SH3BP5: variants seen among roughly 807,000 people sequenced by gnomAD.
SH3BP5 encodes SH3 domain-binding protein 5.
In SH3BP5, 22 loss-of-function variants were observed where a neutral mutation model predicts 43.3. The observed-to-expected ratio is 0.51, with a 90% CI of 0.36 to 0.73. The LOEUF is 0.73. Ranked by LOEUF, SH3BP5 falls within the 30% of genes least tolerant of loss-of-function variation. SH3BP5 has a pLI of 0.00. For missense variants in SH3BP5, 529 were observed against 586.9 expected (o/e 0.90, Z 1.02); for synonymous variants, 255 against 225.8 (o/e 1.13, Z -1.16).
intron 3 of SH3BP5, among the ~76,000 whole-genome samples, chr3:15,294,389 G>A (rs533796891): frequency 6.6e-6 from 1 of 151,292 alleles, no homozygotes; most frequent in Non-Finnish European, 1.5e-5. Flanking sequence ...AAAGTGCCTG[G>A]TATACAAAGA....
chr3:15,325,685 T>C (rs1458066777), intron 2 of SH3BP5, among the ~76,000 whole-genome samples: 1 of 152,162 alleles, frequency 6.6e-6, no homozygotes, highest in Non-Finnish European at 1.5e-5. Flanking sequence ...TCACCGAAAA[T>C]TGCCCCCATC....
chr3:15,303,145 T>C (rs1469653425), intron 3 of SH3BP5, among the ~76,000 whole-genome samples: 2 of 152,162 alleles, frequency 1.3e-5, no homozygotes, highest in African/African-American at 4.8e-5. Flanking sequence ...GTGGACACTT[T>C]TGAAGGCAGC....
intron 2 of SH3BP5, among the ~76,000 whole-genome samples, chr3:15,314,636 G>A (rs1415310833): frequency 6.6e-6 from 1 of 152,180 alleles, no homozygotes; most frequent in Non-Finnish European, 1.5e-5. Context: ...CAACACTCCT[G>A]CTCATGGCAT....
At chr3:15,336,990 C>G (rs116757648), upstream of SH3BP5, among the ~76,000 whole-genome samples, 506 of 151,668 alleles carry the variant, frequency 3.3e-3, 3 homozygotes, top group African/African-American at 0.012. Flanking sequence ...AGTCTTACTA[C>G]TTTTTACCTG....
At chr3:15,259,535 C>T in intron 6 of SH3BP5, 1 of 620,412 alleles carries the variant, frequency 1.6e-6, no homozygotes, top group Middle Eastern at 4.5e-4. Flanking sequence ...GCTGTGAGAA[C>T]CACTGGCCTA....
chr3:15,301,489 G>A (rs927487472), intron 3 of SH3BP5, among the ~76,000 whole-genome samples: 3 of 152,130 alleles, frequency 2.0e-5, no homozygotes, highest in Admixed American at 2.0e-4. Flanking sequence ...CTGTAAACAA[G>A]TAAATTATAA....
intron 2 of SH3BP5, among the ~76,000 whole-genome samples, chr3:15,322,779 G>A (rs1290913436): frequency 6.6e-6 from 1 of 152,142 alleles, no homozygotes; most frequent in African/African-American, 2.4e-5. Context: ...AGGCTCCAGG[G>A]AGCTATGATT....
chr3:15,307,159 G>C (rs149634652), intron 2 of SH3BP5, among the ~76,000 whole-genome samples: 25 of 152,226 alleles, frequency 1.6e-4, no homozygotes, highest in African/African-American at 5.8e-4. Context: ...CCCGAGCCTG[G>C]ATCCCATGTC....
chr3:15,334,599 A>G (rs774387265), upstream of SH3BP5, among the ~76,000 whole-genome samples: 4 of 151,822 alleles, frequency 2.6e-5, no homozygotes, highest in Non-Finnish European at 5.9e-5. Context: ...TATGACAACT[A>G]TGTACATATT....
intron 5 of SH3BP5, 31 bp from the exon 6 acceptor site, chr3:15,259,834 G>A (rs1191808725): frequency 1.2e-6 from 2 of 1,606,668 alleles, no homozygotes; most frequent in Admixed American, 1.7e-5. Flanking sequence ...AGCCATCAGA[G>A]TAATATAATA....
intron 7 of SH3BP5, 34 bp from the exon 8 acceptor site, chr3:15,257,147 C>T (rs1373208421): frequency 2.5e-5 from 40 of 1,599,292 alleles, no homozygotes; most frequent in Non-Finnish European, 3.4e-5. Context: ...CACATGGGTT[C>T]TGTCACCTCC....
chr3:15,273,300 G>A, intron 3 of SH3BP5: 1 of 985,374 alleles, frequency 1.0e-6, no homozygotes, highest in Non-Finnish European at 1.2e-6. Flanking sequence ...AAGAAAAGAT[G>A]CTCTTTTGAC....
chr3:15,321,127 T>C (rs893357766), intron 2 of SH3BP5, among the ~76,000 whole-genome samples: 2 of 152,210 alleles, frequency 1.3e-5, no homozygotes, highest in African/African-American at 2.4e-5. Flanking sequence ...ATGAATGAAG[T>C]TGTGCAAGAA....
intron 5 of SH3BP5, chr3:15,260,041 A>G: frequency 1.8e-6 from 1 of 559,760 alleles, no homozygotes; most frequent in Non-Finnish European, 3.2e-6. Context: ...ATCTCAAGAC[A>G]CGGGGAACCC....
intron 1 of SH3BP5, among the ~76,000 whole-genome samples, chr3:15,340,870 T>A (rs1698757444): frequency 6.6e-6 from 1 of 151,848 alleles, no homozygotes; most frequent in Non-Finnish European, 1.5e-5. Flanking sequence ...CTGGCCAACA[T>A]GGAGAAACCT....
chr3:15,333,073 G>T, upstream of SH3BP5: 3 of 985,292 alleles, frequency 3.0e-6, no homozygotes, highest in Non-Finnish European at 3.6e-6. Context: ...AAACACAGAG[G>T]TGCGGCGGTC....
intron 2 of SH3BP5, 50 bp downstream of exon 2, chr3:15,330,454 C>A (rs756583382): frequency 1.4e-6 from 2 of 1,463,316 alleles, no homozygotes; most frequent in African/African-American, 1.4e-5. Context: ...AGCCTTGTGC[C>A]GGTGTGAGTG....
intron 2 of SH3BP5, among the ~76,000 whole-genome samples, chr3:15,313,731 C>G (rs1575340889): frequency 6.6e-6 from 1 of 152,184 alleles, no homozygotes; most frequent in Admixed American, 6.5e-5. Context: ...CTGTGCCATC[C>G]AACACAGAAG....
upstream of SH3BP5, chr3:15,332,611 C>T (rs1698645606): frequency 1.7e-6 from 2 of 1,189,954 alleles, no homozygotes; most frequent in Admixed American, 4.5e-5. Flanking sequence ...CGCCCCCTTT[C>T]TGCCGCGGCA....
Sources: gnomAD v4.1 joint callset for allele counts (sites outside exome capture counted in the v4.1 genomes callset) on GRCh38, gnomAD v4.1.1 for gene constraint, MANE v1.5 for transcripts, NCBI Gene and HGNC (gene_info 2026-07-23, HGNC 2026-07-21) for gene names.